Variants in AGGF1 observed in about 807,000 individuals in gnomAD.
AGGF1 encodes the protein angiogenic factor with G-patch and FHA domains 1.
In AGGF1, 56 loss-of-function variants were observed where a neutral mutation model predicts 86.5. The observed-to-expected ratio is 0.65, with a 90% CI of 0.52 to 0.81. AGGF1 has a LOEUF of 0.81. AGGF1 is among the 30% of genes least tolerant of loss of function. AGGF1 has a pLI of 0.00. For missense variants in AGGF1, 816 were observed against 850.9 expected (o/e 0.96, Z 0.51); for synonymous variants, 313 against 297.1 (o/e 1.05, Z -0.55).
chr5:77,034,536 TGAGG>T lies in AGGF1; in HGVS notation c.313+17_313+20del. ...TCAATCTCAGGTATTTAGCTTATAG[TGAGG>T]ATATGCTAACACTGTTACATTCAAA... On this transcript the variant is annotated intron_variant, in intron 2 of 13. Coordinates refer to ENST00000312916, the MANE Select transcript of AGGF1 (RefSeq NM_018046.5). The T allele has an allele frequency of 2.7e-6, 4 of 1,503,934 alleles. No individual in the cohort carries two copies. Among genetic ancestry groups the T allele is most frequent in the Non-Finnish European group, 3.7e-6 (4 of 1,079,488 alleles). 93.2% of individuals were successfully genotyped at this position (1,503,934 alleles called of 1,614,324 possible).
intron 8 of AGGF1, among the ~76,000 whole-genome samples, chr5:77,050,731 A>G (rs1363389869): frequency 6.6e-6 from 1 of 152,232 alleles, no homozygotes; most frequent in Non-Finnish European, 1.5e-5. Context: ...TAAGAAACCA[A>G]TTTAGAAGGC....
intron 5 of AGGF1, among the ~76,000 whole-genome samples, chr5:77,045,854 TA>T (rs907311998): frequency 6.6e-6 from 1 of 152,262 alleles, no homozygotes; most frequent in African/African-American, 2.4e-5. Context: ...CTGTTAAGTG[TA>T]AAATACACTC....
chr5:77,048,129 A>G lies in AGGF1; in HGVS notation c.1202-32A>G, dbSNP rs148032617. 31 of 1,373,260 alleles carry G rather than the reference A, an allele frequency of 2.3e-5. No individual in the cohort carries two copies. In the African/African-American group the frequency reaches 4.3e-4, roughly 19 times the overall value. The allele number at this position is 1,373,260 out of a possible 1,614,324, so 85.1% of individuals were successfully genotyped here. ...ATGAAGTTCTTTTTCATAGTAGTTA[A>G]ATTAATATTTACTCACTTCTTTCCT... On this transcript the variant is annotated intron_variant, in intron 6 of 13. Coordinates refer to ENST00000312916, the MANE Select transcript of AGGF1 (RefSeq NM_018046.5).
intron 11 of AGGF1, among the ~76,000 whole-genome samples, chr5:77,057,009 G>C (rs1747473565): frequency 1.3e-5 from 2 of 152,158 alleles, no homozygotes; most frequent in African/African-American, 4.8e-5. Context: ...CTGAAAAAAT[G>C]TTCAGTATTA....
Position 77,053,961 on chromosome 5 carries a change from C to T in AGGF1, c.1468-4C>T, listed in dbSNP as rs763309491. 6.2e-7 allele frequency: 1 copy of T among 1,613,970 alleles called. No individual in the cohort carries two copies. The highest frequency in any genetic ancestry group is 1.1e-5 in the South Asian group (1 of 91,080). On this transcript the variant is annotated splice_polypyrimidine_tract_variant and splice_region_variant and intron_variant, in intron 9 of 13. Transcript: ENST00000312916. The stretch of plus-strand genomic sequence containing the variant: ...TTCTGTTTTGTAAAATGTTTCCCCT[C>T]TAGCCGAAAACTAAATGTGACCCTT...
intron 11 of AGGF1, among the ~76,000 whole-genome samples, chr5:77,056,226 CTTTTTTTTTTTT>C (rs770417117): frequency 9.6e-6 from 1 of 104,520 alleles, no homozygotes; most frequent in Non-Finnish European, 1.8e-5. Context: ...AAAGAGTGGT[CTTTTTTTTTTTT>C]TTTTTTTTGA....
chr5:77,030,581 G>C lies in AGGF1; in HGVS notation c.-186G>C. The stretch of plus-strand genomic sequence containing the variant: ...GGGGCCATCCTCGGTCCCCTTGCTC[G>C]TTGCTCGCAGCCCCGTTCGGCTACA... On this transcript the variant is annotated 5_prime_UTR_variant, in exon 1 of 14. Transcript: ENST00000312916. The C allele has an allele frequency of 1.3e-6, 1 of 749,292 alleles. No individual in the cohort carries two copies. Among genetic ancestry groups the C allele is most frequent in the Non-Finnish European group, 2.3e-6 (1 of 430,316 alleles). 46.4% of individuals were successfully genotyped at this position (749,292 alleles called of 1,614,324 possible).
intron 12 of AGGF1, among the ~76,000 whole-genome samples, chr5:77,060,461 C>G (rs1350392445): frequency 1.3e-5 from 2 of 152,074 alleles, no homozygotes; most frequent in South Asian, 2.1e-4. Context: ...TTATTTTTCT[C>G]TGATTCAGTT....
At chr5:77,049,548 CTTTTTTT>C (rs759329284) in intron 8 of AGGF1, among the ~76,000 whole-genome samples, 1 of 130,642 alleles carries the variant, frequency 7.7e-6, no homozygotes, top group African/African-American at 2.8e-5. Flanking sequence ...TATATTTTTA[CTTTTTTT>C]TTTTTTTTTT....
chr5:77,030,495 G>A lies in AGGF1; in HGVS notation c.-272G>A, dbSNP rs1746817932. Reference sequence around the variant, plus strand: ...ATCCGACGCTCCTCCCTCTGTCTCTGTAGCTGGAGAAGGTAGTTTCCAGGA... The same window carrying A: ...ATCCGACGCTCCTCCCTCTGTCTCTATAGCTGGAGAAGGTAGTTTCCAGGA... On this transcript the variant is annotated 5_prime_UTR_variant, in exon 1 of 14. Transcript: ENST00000312916. 1 of 646,726 alleles carries A rather than the reference G, an allele frequency of 1.5e-6. No individual in the cohort carries two copies. The highest frequency in any genetic ancestry group is 2.9e-6 in the Non-Finnish European group (1 of 349,722). 40.1% of individuals were successfully genotyped at this position (646,726 alleles called of 1,614,324 possible).
At chr5:77,036,418 C>A in intron 3 of AGGF1, 138 bp from the exon 4 acceptor site, 2 of 895,140 alleles carry the variant, frequency 2.2e-6, no homozygotes, top group Non-Finnish European at 3.6e-6. Context: ...TGGTTCAAGT[C>A]ATAATTGATA....
At chr5:77,043,985 G>A (rs1216549163) in intron 5 of AGGF1, among the ~76,000 whole-genome samples, 79 of 129,254 alleles carry the variant, frequency 6.1e-4, no homozygotes, top group Admixed American at 3.7e-3. Context: ...GACAATGGGC[G>A]GCCGGGCAGA....
chr5:77,052,402 G>A (rs1747385640), intron 8 of AGGF1, among the ~76,000 whole-genome samples: 1 of 151,680 alleles, frequency 6.6e-6, no homozygotes, highest in Admixed American at 6.6e-5. Context: ...AGTTTTTAAT[G>A]ATATGTACAA....
chr5:77,042,485 G>T lies in AGGF1; in HGVS notation c.870+2766G>T, dbSNP rs1414303506. Reference sequence around the variant, plus strand: ...TCCCGGACGGGGCGGCTGGCCGGGCGGGGGGCTGACCCCCCCCACCTCCCT... The same window carrying T: ...TCCCGGACGGGGCGGCTGGCCGGGCTGGGGGCTGACCCCCCCCACCTCCCT... On this transcript the variant is annotated intron_variant, in intron 5 of 13. Transcript: ENST00000312916. 1.9e-4 allele frequency among the ~76,000 whole-genome samples: 9 copies of T among 47,084 alleles called. 2 individuals carry two copies. The highest frequency in any genetic ancestry group is 2.8e-4 in the Non-Finnish European group (5 of 18,162). 30.9% of individuals were successfully genotyped at this position (47,084 alleles called of 152,430 possible). A position where few individuals can be genotyped will look rare whatever the true frequency, so the allele number is the denominator to read the frequency against.
chr5:77,050,747 C>T (rs920894456), intron 8 of AGGF1, among the ~76,000 whole-genome samples: 4 of 152,074 alleles, frequency 2.6e-5, no homozygotes, highest in African/African-American at 9.7e-5. Context: ...AAGGCAGACT[C>T]GGACAGGCAC....
In AGGF1 at chr5:77,036,605, C is replaced by G; in HGVS notation, c.566C>G (p.Ser189Ter). 1.2e-6 allele frequency: 2 copies of G among 1,614,096 alleles called. No homozygotes were observed. Among genetic ancestry groups the G allele is most frequent in the Admixed American group, 1.7e-5 (1 of 60,028 alleles). Residue 189 changes from serine (S) to a stop codon, truncating the protein, a stop_gained, in exon 4 of 14, where the codon TCA becomes TGA. Transcript: ENST00000312916. LOFTEE classifies it high-confidence loss of function. ...GAAGATACCTCCTTAGAAGGCTCAT[C>G]ATTAGCTGAAAGTTTGAGAGCTGCA... ...ATEDTSLEGS[S>*]LAESLRAAAE... is the part of the protein sequence containing the mutation.
chr5:77,046,749 G>A (rs888822386), intron 6 of AGGF1, 72 bp downstream of exon 6: 7 of 1,375,458 alleles, frequency 5.1e-6, no homozygotes, highest in Non-Finnish European at 7.2e-6. Flanking sequence ...CATTAAAAAT[G>A]TTAGTGAGTT....
chr5:77,032,021 C>T (rs1247946242), intron 1 of AGGF1, among the ~76,000 whole-genome samples: 1 of 152,006 alleles, frequency 6.6e-6, no homozygotes. Context: ...TTGTCTAGTC[C>T]TTCATAATTT....
intron 11 of AGGF1, among the ~76,000 whole-genome samples, chr5:77,057,687 C>T (rs1390298482): frequency 2.6e-5 from 4 of 152,226 alleles, no homozygotes; most frequent in Non-Finnish European, 5.9e-5. Flanking sequence ...AAGCTGCCTT[C>T]TGGGTGAATG....
Sources: gnomAD v4.1 joint callset for allele counts (sites outside exome capture counted in the v4.1 genomes callset) on GRCh38, gnomAD v4.1.1 for gene constraint, MANE v1.5 for transcripts, NCBI Gene and HGNC (gene_info 2026-07-23, HGNC 2026-07-21) for gene names.